The following FARS2 variants were observed in gnomAD, a reference collection of about 807,000 sequenced individuals.
The protein encoded by FARS2 is phenylalanyl-tRNA synthetase 2, mitochondrial.
Under a neutral mutation model 46.4 loss-of-function variants are expected in FARS2, and 40 were observed. The ratio of observed to expected loss-of-function variants is 0.86; its 90% CI spans 0.67 to 1.12. The LOEUF (loss-of-function observed/expected upper bound fraction) is 1.12, where lower values mean the gene tolerates loss of function less well. FARS2 is among the 50% of genes most tolerant of loss of function. FARS2 has a pLI of 0.00. For synonymous variants in FARS2, 234 were observed against 214.9 expected (o/e 1.09, Z -0.78); for missense variants, 513 against 567.9 (o/e 0.90, Z 0.98).
chr6:5,733,913 C>G (rs1480067758), intron 6 of FARS2, among the ~76,000 whole-genome samples: 1 of 152,198 alleles, frequency 6.6e-6, no homozygotes, highest in East Asian at 1.9e-4. Flanking sequence ...TTGGAATAGC[C>G]TTGCTATTGC....
intron 4 of FARS2, among the ~76,000 whole-genome samples, chr6:5,505,306 G>A (rs1161987240): frequency 6.6e-6 from 1 of 152,150 alleles, no homozygotes; most frequent in African/African-American, 2.4e-5. Context: ...TTTAGTTCCT[G>A]TTGTGCCTTA....
At chr6:5,361,706 T>C (rs1758315185) in intron 1 of FARS2, among the ~76,000 whole-genome samples, 1 of 152,236 alleles carries the variant, frequency 6.6e-6, no homozygotes, top group African/African-American at 2.4e-5. Flanking sequence ...GCTTCATTTT[T>C]TCTTGATAGA....
intron 4 of FARS2, among the ~76,000 whole-genome samples, chr6:5,542,924 T>G (rs1770720750): frequency 6.6e-6 from 1 of 152,262 alleles, no homozygotes; most frequent in South Asian, 2.1e-4. Flanking sequence ...CTGATTTATT[T>G]GCATTTGGAC....
In FARS2 at chr6:5,682,146, C is replaced by G. The variant is rs188965193; in HGVS notation, c.1217+68826C>G. ...ACAAAAAGCAAATTATAGTACATCA[C>G]CTTGATGGAATATTACCTAGCTGTT... On this transcript the variant is annotated intron_variant, in intron 6 of 6. Coordinates refer to ENST00000274680, the MANE Select transcript of FARS2 (RefSeq NM_006567.5). Among the ~76,000 whole-genome samples, 4 of 152,288 alleles carry G rather than the reference C, an allele frequency of 2.6e-5. No homozygotes were observed. The East Asian group carries it at 7.7e-4, about 29-fold the overall frequency.
At chr6:5,259,864 T>G (rs1032790276), upstream of FARS2, among the ~76,000 whole-genome samples, 1 of 151,852 alleles carries the variant, frequency 6.6e-6, no homozygotes, top group Non-Finnish European at 1.5e-5. Context: ...AAGAAAATGA[T>G]GGGTCAGAAC....
At chr6:5,552,585 G>C (rs978117987) in intron 5 of FARS2, among the ~76,000 whole-genome samples, 1 of 152,186 alleles carries the variant, frequency 6.6e-6, no homozygotes, top group Non-Finnish European at 1.5e-5. Flanking sequence ...ATGGGACCCT[G>C]AGTCCTCACC....
chr6:5,467,188 A>G (rs148212281), intron 4 of FARS2: 1 of 544,840 alleles, frequency 1.8e-6, no homozygotes, highest in East Asian at 1.5e-4. Context: ...GACTGTATGA[A>G]TTTAATAATT....
At chr6:5,464,117 C>A (rs2150306943) in intron 4 of FARS2, among the ~76,000 whole-genome samples, 1 of 152,322 alleles carries the variant, frequency 6.6e-6, no homozygotes, top group South Asian at 2.1e-4. Context: ...CATTTCTAAG[C>A]AGCATTTATT....
At chr6:5,574,054 A>G (rs1373558576) in intron 5 of FARS2, among the ~76,000 whole-genome samples, 3 of 152,200 alleles carry the variant, frequency 2.0e-5, no homozygotes, top group South Asian at 2.1e-4. Flanking sequence ...CAACGGCAGC[A>G]TTTGTATTTA....
intron 6 of FARS2, among the ~76,000 whole-genome samples, chr6:5,648,757 T>G (rs772627147): frequency 1.3e-5 from 2 of 152,204 alleles, no homozygotes; most frequent in Non-Finnish European, 2.9e-5. Flanking sequence ...ATTCCACTAC[T>G]ATTTTTATAG....
At position 5,530,792 on chromosome 6, in the gene FARS2, CTA is replaced by C. The variant is rs1422360401; in HGVS notation, c.905-14382_905-14381del. Among the ~76,000 whole-genome samples, 21 of 144,322 alleles carry C rather than the reference CTA, an allele frequency of 1.5e-4. No individual in the cohort carries two copies. The South Asian group carries it at 4.5e-3, about 31-fold the overall frequency. 94.7% of individuals were successfully genotyped at this position (144,322 alleles called of 152,430 possible). ...ATTTCATATATTGTATAATATAGAA[CTA>C]TATATTGACAAATATATCAATATAT... On this transcript the variant is annotated intron_variant, in intron 4 of 6. Coordinates refer to ENST00000274680, the MANE Select transcript of FARS2 (RefSeq NM_006567.5).
At chr6:5,613,414 A>G (rs1432499239) in intron 6 of FARS2, 94 bp downstream of exon 6, 79 of 1,037,596 alleles carry the variant, frequency 7.6e-5, no homozygotes, top group Non-Finnish European at 2.6e-5. Flanking sequence ...AACCCAGGGT[A>G]TCTGAGACAA....
chr6:5,607,734 G>A (rs560766351), intron 5 of FARS2, among the ~76,000 whole-genome samples: 118 of 152,232 alleles, frequency 7.8e-4, no homozygotes, highest in African/African-American at 2.7e-3. Context: ...GTTTATACTA[G>A]TCTTGATTAA....
At chr6:5,597,433 G>A in intron 5 of FARS2, among the ~76,000 whole-genome samples, 1 of 152,200 alleles carries the variant, frequency 6.6e-6, no homozygotes, top group East Asian at 1.9e-4. Context: ...CTCTTGGGAA[G>A]CAGGGAGGAA....
chr6:5,708,244 G>T (rs1474671984), intron 6 of FARS2, among the ~76,000 whole-genome samples: 2 of 152,132 alleles, frequency 1.3e-5, no homozygotes, highest in Admixed American at 6.5e-5. Context: ...CCTTAGATTT[G>T]CCCGGGAGAT....
intron 1 of FARS2, among the ~76,000 whole-genome samples, chr6:5,341,848 C>A (rs1771680586): frequency 6.6e-6 from 1 of 152,094 alleles, no homozygotes. Flanking sequence ...TATTCTGCTG[C>A]AAGCTGCTTT....
intron 4 of FARS2, among the ~76,000 whole-genome samples, chr6:5,508,131 T>TTCTAATCTTTGCCTTTCATCTCTTC (rs1275586264): frequency 6.6e-6 from 1 of 152,224 alleles, no homozygotes; most frequent in Non-Finnish European, 1.5e-5. Flanking sequence ...TGGGGAGTTA[T>TTCTAATCTTTGCCTTTCATCTCTTC]TAACTCTTTG....
At chr6:5,363,888 C>T (rs771012563) in intron 1 of FARS2, among the ~76,000 whole-genome samples, 1 of 152,196 alleles carries the variant, frequency 6.6e-6, no homozygotes, top group Non-Finnish European at 1.5e-5. Flanking sequence ...TTAACTCTTA[C>T]GTCTATGCAA....
intron 6 of FARS2, among the ~76,000 whole-genome samples, chr6:5,768,886 G>A (rs1011564780): frequency 1.3e-5 from 2 of 151,874 alleles, no homozygotes; most frequent in Admixed American, 1.3e-4. Context: ...TCCCTTATCA[G>A]GTATATGACT....
Sources: allele counts gnomAD v4.1 joint callset (sites outside exome capture counted in the v4.1 genomes callset), GRCh38; gene constraint gnomAD v4.1.1; transcripts MANE v1.5; gene names NCBI Gene and HGNC (gene_info 2026-07-23, HGNC 2026-07-21).